The following SLC17A1 variants were observed in gnomAD, a reference collection of about 807,000 sequenced individuals.
SLC17A1 encodes solute carrier family 17 member 1, also known as sodium-dependent phosphate transport protein 1.
A neutral mutation model predicts 53.5 loss-of-function variants in SLC17A1; 51 were observed. The ratio of observed to expected loss-of-function variants is 0.95; its 90% CI spans 0.76 to 1.20. The LOEUF is 1.20. Among genes scored for constraint, SLC17A1 ranks in the 50% most tolerant of loss-of-function variants. The probability of loss-of-function intolerance (pLI) is 0.00; values close to 1 mark genes in which losing one functional copy is unlikely to be tolerated. For missense variants in SLC17A1, 538 were observed against 568.2 expected (o/e 0.95, Z 0.54); for synonymous variants, 179 against 198.8 (o/e 0.90, Z 0.84).
chr6:25,728,559 T>G, the SLC17A1 span, among the ~76,000 whole-genome samples: 1 of 152,184 alleles, frequency 6.6e-6, no homozygotes, highest in African/African-American at 2.4e-5. Flanking sequence ...CTCACGCATG[T>G]AATCCTGCAC....
At position 25,826,559 on chromosome 6, in the gene SLC17A1, G is replaced by C. The variant is rs144651108; in HGVS notation, c.109C>G (p.Arg37Gly). 7 of 1,611,632 alleles carry C rather than the reference G, an allele frequency of 4.3e-6. No homozygotes were observed. In the Admixed American group the frequency reaches 1.0e-4, roughly 23 times the overall value. ...HCCNVIITAQ[R>G]ACLNLTMVVM... ...ACCATTGTGAGGTTCAGGCACGCAC[G>C]CTGTGCTGTTATTATAACATTACAA... is the stretch of plus-strand genomic sequence containing the variant. Residue 37 changes from arginine (R) to glycine (G), a missense_variant, in exon 3 of 13, where the codon CGT becomes GGT. Transcript: ENST00000244527.
the SLC17A1 span, among the ~76,000 whole-genome samples, chr6:25,762,298 G>A: frequency 1.3e-5 from 2 of 152,042 alleles, no homozygotes; most frequent in African/African-American, 4.8e-5. Context: ...AGAGATGAAG[G>A]AAAAAAATCA....
At chr6:25,769,300 A>G in the SLC17A1 span, 1 of 1,040,922 alleles carries the variant, frequency 9.6e-7, no homozygotes, top group Non-Finnish European at 1.4e-6. Flanking sequence ...AACATGTACT[A>G]TGTGCCAGGA....
chr6:25,776,426 A>G, the SLC17A1 span, among the ~76,000 whole-genome samples: 98 of 152,064 alleles, frequency 6.4e-4, no homozygotes, highest in African/African-American at 1.9e-3. Flanking sequence ...AGAGCTATGA[A>G]CATATACATA....
chr6:25,736,627 C>A, the SLC17A1 span, among the ~76,000 whole-genome samples: 1 of 152,076 alleles, frequency 6.6e-6, no homozygotes, highest in Admixed American at 6.5e-5. Context: ...GGGTCATTAA[C>A]CCATTCCTTC....
chr6:25,731,774 TATC>T, the SLC17A1 span: 4 of 1,564,784 alleles, frequency 2.6e-6, no homozygotes, highest in Non-Finnish European at 3.5e-6. Context: ...CTGCTGGCCC[TATC>T]ATGTTTTACT....
chr6:25,781,237 C>A (rs140791744), downstream of SLC17A1: 2 of 146,090 alleles, frequency 1.4e-5, no homozygotes, highest in African/African-American at 2.6e-5. Flanking sequence ...AAGAAAGAAA[C>A]AAAGAAAGAA....
the SLC17A1 span, chr6:25,768,554 G>T: frequency 3.4e-6 from 1 of 291,554 alleles, no homozygotes. Context: ...ATGTTTCCTG[G>T]TTATAAATGG....
intron 12 of SLC17A1, among the ~76,000 whole-genome samples, chr6:25,786,142 C>CA (rs1388281311): frequency 6.6e-6 from 1 of 151,996 alleles, no homozygotes. Context: ...TACTGGGCCA[C>CA]AAAAAAAGAA....
chr6:25,822,452 G>T (rs1307216160), intron 3 of SLC17A1, among the ~76,000 whole-genome samples: 1 of 151,920 alleles, frequency 6.6e-6, no homozygotes, highest in East Asian at 1.9e-4. Context: ...TCTGCTTTGT[G>T]GAATAATTTT....
chr6:25,798,665 G>T (rs1763659986), intron 12 of SLC17A1, 118 bp downstream of exon 12: 2 of 857,812 alleles, frequency 2.3e-6, no homozygotes, highest in Non-Finnish European at 3.4e-6. Context: ...GCTTAACATG[G>T]TCTCCTCTTC....
At chr6:25,807,253 C>A (rs1181951946) in intron 10 of SLC17A1, among the ~76,000 whole-genome samples, 3 of 152,084 alleles carry the variant, frequency 2.0e-5, no homozygotes, top group Non-Finnish European at 2.9e-5. Flanking sequence ...TACTGCAGCA[C>A]AATTCACAGT....
the SLC17A1 span, chr6:25,732,567 G>A: frequency 1.4e-6 from 1 of 712,566 alleles, no homozygotes; most frequent in East Asian, 4.3e-5. Flanking sequence ...GAGGGTCGGG[G>A]GCTGCACGCT....
intron 8 of SLC17A1, among the ~76,000 whole-genome samples, chr6:25,812,572 G>A (rs867904236): frequency 5.9e-5 from 9 of 152,200 alleles, no homozygotes; most frequent in African/African-American, 2.2e-4. Flanking sequence ...GAGTCACATA[G>A]TCAATGGGAG....
chr6:25,727,310 C>T, the SLC17A1 span: 4 of 1,560,228 alleles, frequency 2.6e-6, no homozygotes, highest in African/African-American at 2.7e-5. Context: ...AAGTAAACGT[C>T]ATTTCTAACC....
chr6:25,736,416 A>C, the SLC17A1 span, among the ~76,000 whole-genome samples: 1 of 152,218 alleles, frequency 6.6e-6, no homozygotes, highest in East Asian at 1.9e-4. Flanking sequence ...CGGTGAGATT[A>C]AATGGCTTTG....
At chr6:25,785,208 C>T (rs1763355049) in intron 12 of SLC17A1, among the ~76,000 whole-genome samples, 1 of 152,028 alleles carries the variant, frequency 6.6e-6, no homozygotes, top group Non-Finnish European at 1.5e-5. Flanking sequence ...AGAGTACAAA[C>T]TTATATTCGA....
the SLC17A1 span, among the ~76,000 whole-genome samples, chr6:25,746,941 T>C: frequency 0.98 from 148,974 of 152,346 alleles, 72,921 homozygotes; most frequent in East Asian, 1. Flanking sequence ...AATCTACTGA[T>C]TGATTCATCA....
chr6:25,726,289 A>G, the SLC17A1 span: 8 of 1,614,122 alleles, frequency 5.0e-6, no homozygotes, highest in Non-Finnish European at 6.8e-6. Context: ...GTGGCGGGGA[A>G]TAATGCGAGT....
Sources: allele counts gnomAD v4.1 joint callset (sites outside exome capture counted in the v4.1 genomes callset), GRCh38; gene constraint gnomAD v4.1.1; transcripts MANE v1.5; gene names NCBI Gene and HGNC (gene_info 2026-07-23, HGNC 2026-07-21).